Variants in MINK1 observed in about 807,000 individuals in gnomAD.
MINK1 encodes the protein misshapen-like kinase 1.
Under a neutral mutation model 178.4 loss-of-function variants are expected in MINK1, and 46 were observed. The ratio of observed to expected loss-of-function variants is 0.26; its 90% CI spans 0.20 to 0.33. The LOEUF (loss-of-function observed/expected upper bound fraction) is 0.33, where lower values mean the gene tolerates loss of function less well. Among genes scored for constraint, MINK1 ranks in the 10% least tolerant of loss-of-function variants. The probability of loss-of-function intolerance (pLI) is 1.00; values close to 1 mark genes in which losing one functional copy is unlikely to be tolerated. For synonymous variants in MINK1, 797 were observed against 709.7 expected (o/e 1.12, Z -1.96); for missense variants, 1,366 against 1,814.9 (o/e 0.75, Z 4.49).
In MINK1 at chr17:4,833,733, C is replaced by A. The variant is rs1908837485; in HGVS notation, c.57+93C>A. The A allele has an allele frequency of 1.8e-6, 2 of 1,092,570 alleles. No homozygotes were observed. Among genetic ancestry groups the A allele is most frequent in the East Asian group, 6.4e-5 (2 of 31,094 alleles). 67.7% of individuals were successfully genotyped at this position (1,092,570 alleles called of 1,614,324 possible). Reference sequence around the variant, plus strand: ...TGCACGCCTCACGTGCTCCCGGGCGCCCCCTCCACCAGCTTGGGTCCCCTT... The same window carrying A: ...TGCACGCCTCACGTGCTCCCGGGCGACCCCTCCACCAGCTTGGGTCCCCTT... On this transcript the variant is annotated intron_variant, in intron 1 of 31. Transcript: ENST00000355280. This position sits in a 1 kb window ranked among gnomAD's most constrained non-coding sequence, Gnocchi z 4.8.
At chr17:4,842,017 C>T (rs997659675) in intron 1 of MINK1, among the ~76,000 whole-genome samples, 3 of 151,850 alleles carry the variant, frequency 2.0e-5, no homozygotes, top group African/African-American at 4.8e-5. Flanking sequence ...GTCAGGAGAT[C>T]GAGACCATCC....
In MINK1 at chr17:4,885,835, C is replaced by G. The variant is rs527313700; in HGVS notation, c.640-76C>G. On this transcript the variant is annotated intron_variant, in intron 7 of 31. Coordinates refer to ENST00000355280, the MANE Select transcript of MINK1 (RefSeq NM_153827.5). This position sits in a 1 kb window ranked among gnomAD's most constrained non-coding sequence, Gnocchi z 5.0. ...TGGCCCAGGAAGGCTCCTGAGAGGC[C>G]AGGATGGTGGGTGAAGAGAGGTTGC... 1 of 1,551,716 alleles carries G rather than the reference C, an allele frequency of 6.4e-7. No individual in the cohort carries two copies. Among genetic ancestry groups the G allele is most frequent in the Admixed American group, 1.8e-5 (1 of 56,924 alleles).
chr17:4,842,182 C>T (rs1361056851), intron 1 of MINK1, among the ~76,000 whole-genome samples: 1 of 150,882 alleles, frequency 6.6e-6, no homozygotes, highest in African/African-American at 2.4e-5. Context: ...CTAGACCACG[C>T]CACTGCACTC....
chr17:4,852,124 C>T (rs1259919730), intron 1 of MINK1, among the ~76,000 whole-genome samples: 1 of 151,676 alleles, frequency 6.6e-6, no homozygotes, highest in African/African-American at 2.4e-5. Flanking sequence ...TTAGTAGCTG[C>T]TCTAATGCAT....
intron 4 of MINK1, 95 bp from the exon 5 acceptor site, chr17:4,884,268 T>C: frequency 3.2e-6 from 3 of 944,072 alleles, no homozygotes; most frequent in South Asian, 1.5e-5. Flanking sequence ...CAAGGTCTCT[T>C]ATCCTCCTCC....
In MINK1 at chr17:4,890,709, G is replaced by T. The variant is rs56131206; in HGVS notation, c.1540G>T (p.Ala514Ser). 3 of 1,548,306 alleles carry T rather than the reference G, an allele frequency of 1.9e-6. No homozygotes were observed. In the East Asian group the frequency reaches 7.3e-5, roughly 38 times the overall value. The change falls in exon 14 of 32, where the codon GCT becomes TCT. Residue 514 changes from alanine to serine, a missense_variant. Transcript: ENST00000355280. ...CCATTATGGTCGGGGCATGAATCCC[G>T]CTGACAAACCAGCCTGGGCCCGAGA... ...LYHYGRGMNP[A>S]DKPAWAREVE... is the part of the protein sequence containing the mutation.
chr17:4,895,626 G>A lies in MINK1; in HGVS notation c.3230-72G>A. 6.3e-7 allele frequency: 1 copy of A among 1,578,672 alleles called. No homozygotes were observed. The highest frequency in any genetic ancestry group is 2.3e-5 in the East Asian group (1 of 43,974). On this transcript the variant is annotated intron_variant, in intron 26 of 31. Coordinates refer to ENST00000355280, the MANE Select transcript of MINK1 (RefSeq NM_153827.5). The surrounding 1 kb of genome is among the most constrained non-coding windows in gnomAD (Gnocchi z 4.3). ...TCACCCCTTGTGGTATGCTGACAGAGGAGGCCAGGGCGGTGGCATTCGGGC... is the reference window on the plus strand; with the variant it reads ...TCACCCCTTGTGGTATGCTGACAGAAGAGGCCAGGGCGGTGGCATTCGGGC...
In MINK1 at chr17:4,886,658, A is replaced by G. The variant is rs1968232858; in HGVS notation, c.949+32A>G. 1.9e-6 allele frequency: 3 copies of G among 1,539,502 alleles called. No individual in the cohort carries two copies. The African/African-American group carries it at 4.1e-5, about 21-fold the overall frequency. ...GGGCAGGCTGGAGGGGGCAGGTACT[A>G]GGGGACACTCCAGCCTGGCTCCTCT... On this transcript the variant is annotated intron_variant, in intron 10 of 31. Transcript: ENST00000355280. This position sits in a 1 kb window ranked among gnomAD's most constrained non-coding sequence, Gnocchi z 6.1.
chr17:4,872,975 C>T (rs1916034499), intron 1 of MINK1, among the ~76,000 whole-genome samples: 1 of 152,202 alleles, frequency 6.6e-6, no homozygotes, highest in Non-Finnish European at 1.5e-5. Context: ...GCCCTGTCTC[C>T]TCCAGCCCCC....
intron 12 of MINK1, among the ~76,000 whole-genome samples, chr17:4,888,087 ATGCC>A (rs1968385762): frequency 6.6e-6 from 1 of 151,952 alleles, no homozygotes; most frequent in Admixed American, 6.6e-5. Flanking sequence ...GTGGTGGCGC[ATGCC>A]TGTAATCCCA....
Position 4,885,580 on chromosome 17 carries a change from T to C in MINK1, c.606T>C (p.Cys202=). Residue 202 remains cysteine (C), a synonymous_variant, in exon 7 of 32, where the codon TGT becomes TGC. Transcript: ENST00000355280. This position sits in a 1 kb window ranked among gnomAD's most constrained non-coding sequence, Gnocchi z 5.0. ...GGATGGCTCCAGAGGTCATCGCCTG[T>C]GATGAGAACCCTGATGCCACCTATG... ...PYWMAPEVIA[C]DENPDATYDY... The C allele has an allele frequency of 6.2e-7, 1 of 1,613,784 alleles. No individual in the cohort carries two copies. The highest frequency in any genetic ancestry group is 8.5e-7 in the Non-Finnish European group (1 of 1,179,852).
chr17:4,854,678 T>G (rs2150835957), intron 1 of MINK1: 2 of 445,724 alleles, frequency 4.5e-6, no homozygotes, highest in Non-Finnish European at 8.9e-6. Flanking sequence ...TTCTTCGCCT[T>G]CCTTCTACTT....
chr17:4,833,344 C>G lies in MINK1; in HGVS notation c.-240C>G, dbSNP rs1318550429. On this transcript the variant is annotated 5_prime_UTR_variant, in exon 1 of 32. Transcript: ENST00000355280. The surrounding 1 kb of genome is among the most constrained non-coding windows in gnomAD (Gnocchi z 4.8). ...CGCTCGCGCTTCCACCCTCCCAGTGCGCGGTCGCTCCGCGCCTGCGCAGGA... is the reference window on the plus strand; with the variant it reads ...CGCTCGCGCTTCCACCCTCCCAGTGGGCGGTCGCTCCGCGCCTGCGCAGGA... The G allele has an allele frequency of 2.3e-6, 1 of 433,216 alleles. No individual in the cohort carries two copies. The highest frequency in any genetic ancestry group is 4.6e-5 in the Admixed American group (1 of 21,752). 26.8% of individuals were successfully genotyped at this position (433,216 alleles called of 1,614,324 possible).
At position 4,889,673 on chromosome 17, in the gene MINK1, G is replaced by A. The variant is rs1340062377; in HGVS notation, c.1257G>A (p.Arg419=). 6.4e-7 allele frequency: 1 copy of A among 1,562,970 alleles called. No homozygotes were observed. The highest frequency in any genetic ancestry group is 1.4e-5 in the African/African-American group (1 of 73,502). The change falls in exon 13 of 32, where the codon CGG becomes CGA. Residue 419 remains arginine, a synonymous_variant. Coordinates refer to ENST00000355280, the MANE Select transcript of MINK1 (RefSeq NM_153827.5). The part of the protein sequence containing the change: ...EEQQRREREQ[R]KLQEKEQQRR... ...AACAGCGGCGGGAGCGGGAGCAGCG[G>A]AAGCTGCAGGAGAAGGAGCAGCAGC...
intron 1 of MINK1, among the ~76,000 whole-genome samples, chr17:4,858,821 G>C (rs1913615401): frequency 6.6e-6 from 1 of 152,158 alleles, no homozygotes; most frequent in Non-Finnish European, 1.5e-5. Context: ...TGTATAGTCA[G>C]TCCTGGTATG....
At chr17:4,891,248 T>C in intron 15 of MINK1, 124 bp downstream of exon 15, 1 of 1,165,088 alleles carries the variant, frequency 8.6e-7, no homozygotes, top group Non-Finnish European at 1.2e-6. Flanking sequence ...GAGCCAGGAT[T>C]ACAGAGCACA....
chr17:4,853,298 G>A (rs1348776984), intron 1 of MINK1, among the ~76,000 whole-genome samples: 1 of 93,094 alleles, frequency 1.1e-5, no homozygotes, highest in African/African-American at 4.4e-5. Flanking sequence ...GTGGTTGGTG[G>A]GGGAGTGTGG....
intron 1 of MINK1, among the ~76,000 whole-genome samples, chr17:4,856,235 CT>C (rs1422442102): frequency 6.6e-6 from 1 of 152,124 alleles, no homozygotes; most frequent in African/African-American, 2.4e-5. Flanking sequence ...TAAATGGAGA[CT>C]TCTTCAGGCC....
In MINK1 at chr17:4,896,013, G is replaced by A; in HGVS notation, c.3375G>A (p.Glu1125=). The A allele has an allele frequency of 6.3e-7, 1 of 1,598,236 alleles. No homozygotes were observed. Among genetic ancestry groups the A allele is most frequent in the Non-Finnish European group, 8.5e-7 (1 of 1,172,332 alleles). The stretch of plus-strand genomic sequence containing the variant: ...CTCTCCCGCCCCCAGTGAAATACGA[G>A]CGGATTAAGTTCCTGGTCATCGCCC... ...GCGHYRVVKY[E]RIKFLVIALK... Residue 1125 remains glutamate (E), a synonymous_variant, in exon 28 of 32, where the codon GAG becomes GAA. Transcript: ENST00000355280. This position sits in a 1 kb window ranked among gnomAD's most constrained non-coding sequence, Gnocchi z 4.6.
Sources: gnomAD v4.1 joint callset for allele counts (sites outside exome capture counted in the v4.1 genomes callset) on GRCh38, gnomAD v4.1.1 for gene constraint, Gnocchi (gnomAD v3.1) non-coding constraint, MANE v1.5 for transcripts, NCBI Gene and HGNC (gene_info 2026-07-23, HGNC 2026-07-21) for gene names.